Variants in FBXO15 observed in about 807,000 individuals in gnomAD.
FBXO15 encodes the protein F-box protein 15.
FBXO15 carries 30 observed loss-of-function variants against 49.5 expected under a neutral mutation model. That is an observed-to-expected ratio of 0.61 (90% CI 0.45 to 0.82). FBXO15 has a LOEUF of 0.82. FBXO15 is among the 40% of genes least tolerant of loss of function. The pLI is 0.00. For missense variants in FBXO15, 591 were observed against 631.5 expected, an observed-to-expected ratio of 0.94 and a Z score of 0.69; for synonymous variants, 250 against 232.7, an observed-to-expected ratio of 1.07 and a Z score of -0.68.
intron 8 of FBXO15, among the ~76,000 whole-genome samples, chr18:74,118,340 C>T (rs1266552843): frequency 4.8e-5 from 7 of 147,292 alleles, no homozygotes; most frequent in East Asian, 4.2e-4. Context: ...CTTGTAATCC[C>T]GGCACTTTGA....
rs886977540 is a variant in FBXO15, at chr18:74,121,406, C to T, written c.1138+1962G>A. On this transcript the variant is annotated intron_variant, in intron 8 of 9. Transcript: ENST00000419743. ...CATAAATATCTTAACAAGAAATGTG[C>T]AAAACTAGCATGAAGAAAATTCTGA... 1.4e-4 allele frequency among the ~76,000 whole-genome samples: 21 copies of T among 152,084 alleles called. 1 individual carries two copies. The highest frequency in any genetic ancestry group is 6.6e-4 in the Admixed American group (10 of 15,266).
chr18:74,121,086 C>T lies in FBXO15; in HGVS notation c.1138+2282G>A, dbSNP rs553430323. 2.0e-5 allele frequency among the ~76,000 whole-genome samples: 3 copies of T among 152,150 alleles called. No individual in the cohort carries two copies. In the Middle Eastern group the frequency reaches 0.01, roughly 518 times the overall value. ...CAACTTAGATAAAATGGACAAATTC[C>T]TTAAAAGACAAAAAATACCACAGCT... On this transcript the variant is annotated intron_variant, in intron 8 of 9. Transcript: ENST00000419743.
In FBXO15 at chr18:74,093,394, G is replaced by A. The variant is rs539987406; in HGVS notation, c.1139-11343C>T. Among the ~76,000 whole-genome samples, 7 of 152,294 alleles carry A rather than the reference G, an allele frequency of 4.6e-5. No homozygotes were observed. In the South Asian group the frequency reaches 1.2e-3, roughly 27 times the overall value. On this transcript the variant is annotated intron_variant, in intron 8 of 9. Coordinates refer to ENST00000419743, the MANE Select transcript of FBXO15 (RefSeq NM_001142958.2). ...TGCTGGAGCTCTCTGATGGTCAGGT[G>A]TGGTCTGCCAGTGCAGGAGCTATGA...
chr18:74,129,267 T>C, intron 5 of FBXO15, 138 bp downstream of exon 5: 1 of 709,508 alleles, frequency 1.4e-6, no homozygotes, highest in Non-Finnish European at 2.3e-6. Flanking sequence ...TTTCCTCTTC[T>C]GCATTAATGC....
chr18:74,113,500 A>G (rs1599162878), intron 8 of FBXO15, among the ~76,000 whole-genome samples: 1 of 152,194 alleles, frequency 6.6e-6, no homozygotes, highest in East Asian at 1.9e-4. Flanking sequence ...CAGGATATTA[A>G]TAATGGGAGA....
At chr18:74,119,894 C>T (rs138419264) in intron 8 of FBXO15, among the ~76,000 whole-genome samples, 1 of 152,268 alleles carries the variant, frequency 6.6e-6, no homozygotes, top group African/African-American at 2.4e-5. Flanking sequence ...TGGCTGGGAC[C>T]AGGCAGCCAT....
intron 8 of FBXO15, among the ~76,000 whole-genome samples, chr18:74,082,547 C>T (rs867099239): frequency 6.6e-6 from 1 of 152,180 alleles, no homozygotes; most frequent in African/African-American, 2.4e-5. Context: ...AGTGAGAGTC[C>T]GTGCACATGC....
intron 3 of FBXO15, among the ~76,000 whole-genome samples, chr18:74,133,672 T>C (rs1978535973): frequency 6.6e-6 from 1 of 152,212 alleles, no homozygotes; most frequent in Non-Finnish European, 1.5e-5. Context: ...CTGCAGGCTA[T>C]ACAAGGAGCA....
At chr18:74,133,132 T>C (rs1481528792) in intron 3 of FBXO15, among the ~76,000 whole-genome samples, 3 of 152,262 alleles carry the variant, frequency 2.0e-5, no homozygotes, top group Non-Finnish European at 4.4e-5. Flanking sequence ...ACGTTGACTT[T>C]AAGAGTCAGA....
chr18:74,087,707 T>C (rs28813470), intron 8 of FBXO15, among the ~76,000 whole-genome samples: 7,264 of 152,246 alleles, frequency 0.048, 595 homozygotes, highest in African/African-American at 0.16. Flanking sequence ...TAGAATAACT[T>C]ATAGTCCTTT....
intron 8 of FBXO15, chr18:74,097,124 A>G (rs1913313609): frequency 6.6e-6 from 1 of 152,238 alleles, no homozygotes; most frequent in Admixed American, 6.5e-5. Flanking sequence ...TGCCTTGCCT[A>G]GGAAGGATCC....
At chr18:74,145,916 G>A (rs1979383729) in intron 1 of FBXO15, among the ~76,000 whole-genome samples, 4 of 152,216 alleles carry the variant, frequency 2.6e-5, no homozygotes, top group Non-Finnish European at 5.9e-5. Flanking sequence ...ACATTTTTAA[G>A]GTCCACATAA....
intron 8 of FBXO15, among the ~76,000 whole-genome samples, chr18:74,086,860 T>C (rs1031696138): frequency 3.9e-5 from 6 of 152,194 alleles, no homozygotes; most frequent in Admixed American, 2.6e-4. Context: ...TGGAGAAAGA[T>C]GCAGGATCTA....
At chr18:74,131,652 C>T (rs935080366) in intron 3 of FBXO15, among the ~76,000 whole-genome samples, 2 of 152,134 alleles carry the variant, frequency 1.3e-5, no homozygotes, top group African/African-American at 4.8e-5. Flanking sequence ...GTACTCTCCA[C>T]CAGGAAAGAG....
chr18:74,129,408 T>C lies in FBXO15; in HGVS notation c.782A>G (p.His261Arg), dbSNP rs1280499351. Reference sequence around the variant, plus strand: ...AGTTCTGCTGATTGGTACTTACCTATGTTTGGTGGGAGTTTTATACCAGTC... The same window carrying C: ...AGTTCTGCTGATTGGTACTTACCTACGTTTGGTGGGAGTTTTATACCAGTC... ...FTDWYKTPTK[H>R]RLRWHSLIAK... Residue 261 changes from histidine (H) to arginine (R), a missense_variant, in exon 5 of 10, where the codon CAT becomes CGT. His to Arg is a conservative substitution (Grantham distance 29). Coordinates refer to ENST00000419743, the MANE Select transcript of FBXO15 (RefSeq NM_001142958.2). 1.9e-6 allele frequency: 3 copies of C among 1,613,664 alleles called. No individual in the cohort carries two copies. The highest frequency in any genetic ancestry group is 1.1e-5 in the South Asian group (1 of 91,060).
chr18:74,121,035 G>A (rs1016183149), intron 8 of FBXO15, among the ~76,000 whole-genome samples: 11 of 152,046 alleles, frequency 7.2e-5, no homozygotes, highest in African/African-American at 1.7e-4. Context: ...GGACTATTAC[G>A]AAGAACTTTA....
intron 8 of FBXO15, among the ~76,000 whole-genome samples, chr18:74,094,104 G>A (rs1235499492): frequency 6.6e-6 from 1 of 152,198 alleles, no homozygotes; most frequent in Non-Finnish European, 1.5e-5. Context: ...GCTCTTGCAT[G>A]ACTAGATGTA....
intron 8 of FBXO15, among the ~76,000 whole-genome samples, chr18:74,121,623 C>T (rs1056983947): frequency 9.2e-5 from 14 of 152,104 alleles, no homozygotes; most frequent in Admixed American, 5.9e-4. Context: ...AAGGAAGACT[C>T]AAAGACAAAG....
intron 8 of FBXO15, among the ~76,000 whole-genome samples, chr18:74,090,693 A>G (rs112959458): frequency 0.018 from 2,800 of 152,268 alleles, 95 homozygotes; most frequent in African/African-American, 0.063. Context: ...TCTAATTTCC[A>G]TGTAATTGTA....
Sources: allele counts gnomAD v4.1 joint callset (sites outside exome capture counted in the v4.1 genomes callset), GRCh38; gene constraint gnomAD v4.1.1; transcripts MANE v1.5; gene names NCBI Gene and HGNC (gene_info 2026-07-23, HGNC 2026-07-21).